ZBTB48: variants seen among roughly 807,000 people sequenced by gnomAD.
The protein encoded by ZBTB48 is zinc finger and BTB domain-containing protein 48.
ZBTB48 carries 35 observed loss-of-function variants against 64.5 expected under a neutral mutation model. The ratio of observed to expected loss-of-function variants is 0.54; its 90% CI spans 0.41 to 0.72. The LOEUF (loss-of-function observed/expected upper bound fraction) is 0.72, where lower values mean the gene tolerates loss of function less well. ZBTB48 is among the 30% of genes least tolerant of loss of function. The pLI is 0.00. For missense variants in ZBTB48, 828 were observed against 895.3 expected (o/e 0.92, Z 0.96); for synonymous variants, 442 against 356.7 (o/e 1.24, Z -2.70).
chr1:6,586,704 T>C lies in ZBTB48; in HGVS notation c.1054T>C (p.Cys352Arg). Residue 352 changes from cysteine (C) to arginine (R), a missense_variant, in exon 5 of 11, where the codon TGC becomes CGC. Cys to Arg is a radical substitution (Grantham distance 180, BLOSUM62 -3). Coordinates refer to ENST00000377674, the MANE Select transcript of ZBTB48 (RefSeq NM_005341.4). ...CCCCTCACACTGCCAGGTCTTCACGTGCTCTGTGTGCCAGGAGACATTCCG... is the reference window on the plus strand; with the variant it reads ...CCCCTCACACTGCCAGGTCTTCACGCGCTCTGTGTGCCAGGAGACATTCCG... The part of the protein sequence containing the change: ...CMNRSEQVFT[C>R]SVCQETFRRR... 1 of 1,558,808 alleles carries C rather than the reference T, an allele frequency of 6.4e-7. No individual in the cohort carries two copies. Among genetic ancestry groups the C allele is most frequent in the Non-Finnish European group, 8.7e-7 (1 of 1,151,150 alleles).
In ZBTB48 at chr1:6,585,963, A is replaced by G. The variant is rs1299257493; in HGVS notation, c.977A>G (p.Lys326Arg). The G allele has an allele frequency of 6.2e-7, 1 of 1,614,130 alleles. No homozygotes were observed. Residue 326 changes from lysine to arginine, a missense_variant, in exon 4 of 11, where the codon AAG (lysine) becomes AGG (arginine). Physicochemically the swap from Lys to Arg is conservative, Grantham distance 26. Transcript: ENST00000377674. ...CCCTTTGAGTGTCCCAAATGTGGGA[A>G]GTGTTACTTTCGGAAGGAGAACCTC... ...EKPFECPKCG[K>R]CYFRKENLLE... is the part of the protein sequence containing the mutation.
Position 6,589,153 on chromosome 1 carries a change from G to T in ZBTB48, c.2008G>T (p.Gly670Cys). Residue 670 changes from glycine (G) to cysteine (C), a missense_variant, in exon 11 of 11, where the codon GGT (glycine) becomes TGT (cysteine). By Grantham distance (159) the Gly-to-Cys change is radical. Coordinates refer to ENST00000377674, the MANE Select transcript of ZBTB48 (RefSeq NM_005341.4). ...LCAEESFTGP[G>C]VLEPSLIITA... The stretch of plus-strand genomic sequence containing the variant: ...TGCAGAGGAGAGCTTCACCGGCCCA[G>T]GTGTCCTGGAGCCCTCCCTCATCAT... 4 of 1,575,086 alleles carry T rather than the reference G, an allele frequency of 2.5e-6. No homozygotes were observed. Among genetic ancestry groups the T allele is most frequent in the Non-Finnish European group, 3.4e-6 (4 of 1,163,992 alleles).
rs2148694715 is a variant in ZBTB48 at position 6,587,525 on chromosome 1, G to A, written c.1272G>A (p.Leu424=). 2 of 1,614,126 alleles carry A rather than the reference G, an allele frequency of 1.2e-6. No homozygotes were observed. The highest frequency in any genetic ancestry group is 1.7e-6 in the Non-Finnish European group (2 of 1,180,022). ...KCFLSRTELQ[L]HEAFKHRGEK... ...TCCTGTCTCGGACAGAGCTGCAGCT[G>A]CATGAAGCTTTCAAGCACCGTGGTG... The change falls in exon 7 of 11, where the codon CTG becomes CTA. Residue 424 remains leucine, a synonymous_variant. Coordinates refer to ENST00000377674, the MANE Select transcript of ZBTB48 (RefSeq NM_005341.4).
rs769944177 is a variant in ZBTB48, at chr1:6,588,970, C to T, written c.1825C>T (p.Arg609Trp). ...CGACCGGGTAGAGAACTACAACCCG[C>T]GGCAGCGCAAGCTCCGCAACCTGAT... The part of the protein sequence containing the change: ...IHDRVENYNP[R>W]QRKLRNLIIE... The change falls in exon 11 of 11, where the codon CGG (arginine) becomes TGG (tryptophan). Residue 609 changes from arginine (R) to tryptophan (W), a missense_variant. Arg to Trp is a moderately radical substitution (Grantham distance 101, BLOSUM62 -3). Transcript: ENST00000377674. The T allele has an allele frequency of 6.2e-6, 10 of 1,602,592 alleles. No homozygotes were observed. Among genetic ancestry groups the T allele is most frequent in the East Asian group, 4.5e-5 (2 of 44,732 alleles).
At chr1:6,588,602 T>C (rs1640765744) in intron 9 of ZBTB48, 154 bp from the exon 10 acceptor site, 5 of 1,441,430 alleles carry the variant, frequency 3.5e-6, no homozygotes, top group Middle Eastern at 2.4e-4. Flanking sequence ...TGTGCAGTAG[T>C]GACCCTGGGT....
rs1216059008 is a variant in ZBTB48, at chr1:6,588,479, A to G, written c.1681+37A>G. On this transcript the variant is annotated intron_variant, in intron 9 of 10. Coordinates refer to ENST00000377674, the MANE Select transcript of ZBTB48 (RefSeq NM_005341.4). Reference sequence around the variant, plus strand: ...GCCCTGGGAGAGCCATTTCCTGCTCATCCGAGTTGGAGGGTCTCTGAGGAG... The same window carrying G: ...GCCCTGGGAGAGCCATTTCCTGCTCGTCCGAGTTGGAGGGTCTCTGAGGAG... 4 of 1,474,970 alleles carry G rather than the reference A, an allele frequency of 2.7e-6. No homozygotes were observed. The South Asian group carries it at 5.6e-5, about 21-fold the overall frequency. 91.4% of individuals were successfully genotyped at this position (1,474,970 alleles called of 1,614,324 possible).
chr1:6,587,483 C>T lies in ZBTB48; in HGVS notation c.1230C>T (p.Pro410=). The part of the protein sequence containing the change: ...LHGAPKPHAC[P]TCAKCFLSRT... ...CCTGCCTGGTCTGCCTGCAGTGCCC[C>T]ACCTGTGCCAAGTGCTTCCTGTCTC... Residue 410 remains proline (P), a synonymous_variant, in exon 7 of 11, where the codon CCC becomes CCT. Coordinates refer to ENST00000377674, the MANE Select transcript of ZBTB48 (RefSeq NM_005341.4). 6.2e-7 allele frequency: 1 copy of T among 1,613,882 alleles called. No homozygotes were observed.
chr1:6,583,491 G>A (rs746249733), intron 3 of ZBTB48, among the ~76,000 whole-genome samples: 30 of 150,672 alleles, frequency 2.0e-4, no homozygotes, highest in Non-Finnish European at 1.5e-5. Context: ...AGTAGAGATG[G>A]GGCTTCACTA....
chr1:6,587,760 T>G, intron 7 of ZBTB48, 128 bp downstream of exon 7: 1 of 1,442,018 alleles, frequency 6.9e-7, no homozygotes, highest in Non-Finnish European at 9.3e-7. Context: ...CTGAATCTAG[T>G]GCCTACAGCC....
Position 6,589,081 on chromosome 1 carries a change from C to G in ZBTB48, c.1936C>G (p.Leu646Val). Residue 646 changes from leucine to valine, a missense_variant, in exon 11 of 11, where the codon CTG (leucine) becomes GTG (valine). By Grantham distance (32) the Leu-to-Val change is conservative. Coordinates refer to ENST00000377674, the MANE Select transcript of ZBTB48 (RefSeq NM_005341.4). Reference sequence around the variant, plus strand: ...CTCGGCGGAGGTCATTGTGGAGTCCCTGGCCCAGGGCGGCCTGGCCTCCCA... The same window carrying G: ...CTCGGCGGAGGTCATTGTGGAGTCCGTGGCCCAGGGCGGCCTGGCCTCCCA... Reference protein sequence around the residue: ...VGSAEVIVESLAQGGLASQLP... With the variant: ...VGSAEVIVESVAQGGLASQLP... 6.2e-7 allele frequency: 1 copy of G among 1,608,550 alleles called. No individual in the cohort carries two copies. Among genetic ancestry groups the G allele is most frequent in the Non-Finnish European group, 8.5e-7 (1 of 1,178,052 alleles).
chr1:6,586,401 G>A (rs2148692554), intron 4 of ZBTB48: 1 of 533,476 alleles, frequency 1.9e-6, no homozygotes. Context: ...CCGAAACCCA[G>A]GCCCACTCTT....
intron 9 of ZBTB48, 142 bp downstream of exon 9, chr1:6,588,584 G>T (rs1640764586): frequency 6.9e-7 from 1 of 1,443,416 alleles, no homozygotes; most frequent in Non-Finnish European, 9.2e-7. Flanking sequence ...TTGAAGGCAG[G>T]GGTGTCCTGT....
rs1309331070 is a variant in ZBTB48, at chr1:6,589,197, G to A, written c.2052G>A (p.Glu684=). Residue 684 remains glutamate, a synonymous_variant, in exon 11 of 11, where the codon GAG becomes GAA. Coordinates refer to ENST00000377674, the MANE Select transcript of ZBTB48 (RefSeq NM_005341.4). ...TCATCATCACAGCTGCTGTCCCCGAGGACTGTGACACATAGCCCATTCTGG... is the reference window on the plus strand; with the variant it reads ...TCATCATCACAGCTGCTGTCCCCGAAGACTGTGACACATAGCCCATTCTGG... ...PSLIITAAVP[E]DCDT is the part of the protein sequence containing the mutation. 2.0e-6 allele frequency: 3 copies of A among 1,521,096 alleles called. No individual in the cohort carries two copies. The highest frequency in any genetic ancestry group is 2.2e-5 in the Admixed American group (1 of 44,896). 94.2% of individuals were successfully genotyped at this position (1,521,096 alleles called of 1,614,324 possible).
intron 7 of ZBTB48, 140 bp downstream of exon 7, chr1:6,587,772 C>A: frequency 7.1e-7 from 1 of 1,409,522 alleles, no homozygotes; most frequent in East Asian, 2.5e-5. Flanking sequence ...CCTACAGCCT[C>A]TCTGGGATAG....
At chr1:6,586,646 G>A (rs960822576) in intron 4 of ZBTB48, 49 bp from the exon 5 acceptor site, 2 of 1,458,800 alleles carry the variant, frequency 1.4e-6, no homozygotes, top group Non-Finnish European at 1.8e-6. Flanking sequence ...TGCTGTCATA[G>A]GCAGAGGCCC....
At position 6,584,529 on chromosome 1, in the gene ZBTB48, T is replaced by C. The variant is rs1640591233; in HGVS notation, c.933-1390T>C. Among the ~76,000 whole-genome samples the C allele has an allele frequency of 6.6e-6, 1 of 152,246 alleles. No homozygotes were observed. Among genetic ancestry groups the C allele is most frequent in the African/African-American group, 2.4e-5 (1 of 41,476 alleles). ...GCGGCACACTAGTAATCACCTAGAA[T>C]GGGAGCCAGGGGGAAACCCGTTCGC... is the stretch of plus-strand genomic sequence containing the variant. On this transcript the variant is annotated intron_variant, in intron 3 of 10. Coordinates refer to ENST00000377674, the MANE Select transcript of ZBTB48 (RefSeq NM_005341.4). The surrounding 1 kb of genome is among the most constrained non-coding windows in gnomAD (Gnocchi z 4.5).
Position 6,580,691 on chromosome 1 carries a change from G to A in ZBTB48, c.82G>A (p.Ala28Thr). ...GCGGGAGAAGGGCCAGTACTGCGAC[G>A]CCACTCTGGACGTGGGGGGCCTGGT... is the stretch of plus-strand genomic sequence containing the variant. ...KQREKGQYCD[A>T]TLDVGGLVFK... Residue 28 changes from alanine to threonine, a missense_variant, in exon 2 of 11, where the codon GCC becomes ACC. Coordinates refer to ENST00000377674, the MANE Select transcript of ZBTB48 (RefSeq NM_005341.4). This position sits in a 1 kb window ranked among gnomAD's most constrained non-coding sequence, Gnocchi z 5.2. 1 of 1,614,154 alleles carries A rather than the reference G, an allele frequency of 6.2e-7. No homozygotes were observed. The highest frequency in any genetic ancestry group is 1.1e-5 in the South Asian group (1 of 91,080).
rs531137083 is a variant in ZBTB48, at chr1:6,584,849, G to A, written c.933-1070G>A. Among the ~76,000 whole-genome samples the A allele has an allele frequency of 5.3e-5, 8 of 152,156 alleles. No homozygotes were observed. Among genetic ancestry groups the A allele is most frequent in the African/African-American group, 1.7e-4 (7 of 41,432 alleles). On this transcript the variant is annotated intron_variant, in intron 3 of 10. Transcript: ENST00000377674. This position sits in a 1 kb window ranked among gnomAD's most constrained non-coding sequence, Gnocchi z 4.5. ...CCTCTGGAAGGTGGGAGGAGCTGTC[G>A]CAGGCTGCACAGGGGCTCTGAGGTC...
Position 6,585,981 on chromosome 1 carries a change from A to G in ZBTB48, c.995A>G (p.Glu332Gly), listed in dbSNP as rs1211285812. The G allele has an allele frequency of 6.2e-7, 1 of 1,614,148 alleles. No individual in the cohort carries two copies. ...PKCGKCYFRK[E>G]NLLEHEARNC... ...TGTGGGAAGTGTTACTTTCGGAAGG[A>G]GAACCTCCTGGAGCATGAAGCCCGG... Residue 332 changes from glutamate (E) to glycine (G), a missense_variant, in exon 4 of 11, where the codon GAG becomes GGG. Coordinates refer to ENST00000377674, the MANE Select transcript of ZBTB48 (RefSeq NM_005341.4).
Sources: allele counts gnomAD v4.1 joint callset (sites outside exome capture counted in the v4.1 genomes callset), GRCh38; gene constraint gnomAD v4.1.1; non-coding constraint Gnocchi (gnomAD v3.1); transcripts MANE v1.5; gene names NCBI Gene and HGNC (gene_info 2026-07-23, HGNC 2026-07-21).